The following VWC2L variants were observed in gnomAD, a reference collection of about 807,000 sequenced individuals.
The protein encoded by VWC2L is von Willebrand factor C domain-containing protein 2-like.
In VWC2L, 10 loss-of-function variants were observed where a neutral mutation model predicts 21.6. The ratio of observed to expected loss-of-function variants is 0.46; its 90% CI spans 0.29 to 0.78. The LOEUF is 0.78. VWC2L is among the 30% of genes least tolerant of loss of function. VWC2L has a pLI of 0.10. For synonymous variants in VWC2L, 96 were observed against 94.3 expected, an observed-to-expected ratio of 1.02 and a Z score of -0.10; for missense variants, 209 against 277.1, an observed-to-expected ratio of 0.75 and a Z score of 1.74.
intron 3 of VWC2L, among the ~76,000 whole-genome samples, chr2:214,563,423 T>C (rs968668492): frequency 6.6e-6 from 1 of 151,698 alleles, no homozygotes; most frequent in African/African-American, 2.4e-5. Context: ...GGCAGGTGCC[T>C]GTATTCCCAG....
chr2:214,457,106 G>A (rs1355515656), intron 3 of VWC2L, among the ~76,000 whole-genome samples: 2 of 151,972 alleles, frequency 1.3e-5, no homozygotes, highest in Non-Finnish European at 2.9e-5. Flanking sequence ...TGTGAAAAAT[G>A]TTATTTGTAT....
intron 2 of VWC2L, among the ~76,000 whole-genome samples, chr2:214,430,935 A>T (rs1702592765): frequency 1.3e-5 from 2 of 152,186 alleles, no homozygotes; most frequent in Non-Finnish European, 2.9e-5. Flanking sequence ...TCAGTGTTCC[A>T]AATATGCTCC....
chr2:214,575,561 G>A, intron 3 of VWC2L, 111 bp from the exon 4 acceptor site: 1 of 1,198,946 alleles, frequency 8.3e-7, no homozygotes, highest in Non-Finnish European at 1.2e-6. Context: ...TGATAAGTCA[G>A]TAGAGTAGTC....
At position 214,414,591 on chromosome 2, in the gene VWC2L, T is replaced by C; in HGVS notation, c.390+8T>C. 6.2e-7 allele frequency: 1 copy of C among 1,609,218 alleles called. No individual in the cohort carries two copies. The highest frequency in any genetic ancestry group is 1.3e-5 in the African/African-American group (1 of 74,510). Reference sequence around the variant, plus strand: ...ATCTTGGAGGAATTTAAGGTATGCGTTACCCTCCATATTTATTGAAATATC... The same window carrying C: ...ATCTTGGAGGAATTTAAGGTATGCGCTACCCTCCATATTTATTGAAATATC... On this transcript the variant is annotated splice_region_variant and intron_variant, in intron 2 of 3. Transcript: ENST00000312504.
rs538613264 is a variant in VWC2L, at chr2:214,514,224, A to G, written c.521-61448A>G. ...TTCCCTGTGTAGTCTCCCAACTAAA[A>G]TCATCTAACAGTAATCTCTGTGTTA... On this transcript the variant is annotated intron_variant, in intron 3 of 3. Transcript: ENST00000312504. 4.6e-5 allele frequency among the ~76,000 whole-genome samples: 7 copies of G among 151,778 alleles called. No individual in the cohort carries two copies. The South Asian group carries it at 1.5e-3, about 32-fold the overall frequency.
chr2:214,511,168 G>C (rs1213374508), intron 3 of VWC2L, among the ~76,000 whole-genome samples: 1 of 152,072 alleles, frequency 6.6e-6, no homozygotes, highest in African/African-American at 2.4e-5. Flanking sequence ...GGGAGGCCAA[G>C]GCAGGAAGAT....
intron 3 of VWC2L, among the ~76,000 whole-genome samples, chr2:214,567,585 CACACACACACAGAGAG>C (rs1690085852): frequency 9.0e-6 from 1 of 111,574 alleles, no homozygotes; most frequent in African/African-American, 3.1e-5. Context: ...CACACACACA[CACACACACACAGAGAG>C]AGAGAGAGAG....
At chr2:214,569,350 C>CA (rs1234272860) in intron 3 of VWC2L, among the ~76,000 whole-genome samples, 1 of 152,130 alleles carries the variant, frequency 6.6e-6, no homozygotes, top group Admixed American at 6.6e-5. Context: ...CACACACACA[C>CA]ACCCCTACAT....
chr2:214,428,182 C>A (rs1231473981), intron 2 of VWC2L, among the ~76,000 whole-genome samples: 2 of 152,124 alleles, frequency 1.3e-5, no homozygotes, highest in Non-Finnish European at 1.5e-5. Context: ...AATCCCACAT[C>A]GTTTACATGT....
chr2:214,456,544 T>C (rs1703060158), intron 3 of VWC2L, among the ~76,000 whole-genome samples: 1 of 152,148 alleles, frequency 6.6e-6, no homozygotes, highest in Admixed American at 6.5e-5. Context: ...TTGATTGTAT[T>C]CTTTGCTGTG....
chr2:214,419,497 G>A (rs1424860962), intron 2 of VWC2L, among the ~76,000 whole-genome samples: 1 of 152,114 alleles, frequency 6.6e-6, no homozygotes, highest in African/African-American at 2.4e-5. Context: ...TGATTTAGTT[G>A]TAGGTCATAC....
chr2:214,511,575 A>G (rs528518446), intron 3 of VWC2L, among the ~76,000 whole-genome samples: 1 of 152,240 alleles, frequency 6.6e-6, no homozygotes, highest in Admixed American at 6.5e-5. Flanking sequence ...CTGAAAGGAG[A>G]GTTGTCATTA....
At chr2:214,483,226 T>C (rs1688630534) in intron 3 of VWC2L, among the ~76,000 whole-genome samples, 1 of 152,164 alleles carries the variant, frequency 6.6e-6, no homozygotes, top group Non-Finnish European at 1.5e-5. Flanking sequence ...CTGGCCTAGA[T>C]GGAGTGCAAA....
intron 3 of VWC2L, among the ~76,000 whole-genome samples, chr2:214,453,837 C>G (rs909828543): frequency 2.6e-5 from 4 of 151,700 alleles, no homozygotes; most frequent in African/African-American, 9.7e-5. Context: ...TCTCCTGTCT[C>G]AGCCTCCCAA....
At chr2:214,422,195 T>C (rs777955287) in intron 2 of VWC2L, among the ~76,000 whole-genome samples, 1 of 152,150 alleles carries the variant, frequency 6.6e-6, no homozygotes, top group Non-Finnish European at 1.5e-5. Context: ...GCCTATTTCC[T>C]ACATCTTATT....
rs947653415 is a variant in VWC2L at position 214,534,753 on chromosome 2, A to C, written c.521-40919A>C. The stretch of plus-strand genomic sequence containing the variant: ...TTTCTCACACTAAATAGAAGGTTAC[A>C]TGGCATTATCTCCAGTGTTAACTCC... On this transcript the variant is annotated intron_variant, in intron 3 of 3. Coordinates refer to ENST00000312504, the MANE Select transcript of VWC2L (RefSeq NM_001080500.4). 2.0e-5 allele frequency among the ~76,000 whole-genome samples: 3 copies of C among 152,148 alleles called. No homozygotes were observed. The South Asian group carries it at 6.2e-4, about 32-fold the overall frequency.
intron 1 of VWC2L, among the ~76,000 whole-genome samples, chr2:214,413,892 G>T (rs545484627): frequency 2.6e-5 from 4 of 152,232 alleles, no homozygotes; most frequent in South Asian, 2.1e-4. Context: ...CAAGCTGAAG[G>T]TTCCTATATA....
intron 3 of VWC2L, among the ~76,000 whole-genome samples, chr2:214,531,697 C>A (rs778252817): frequency 6.6e-6 from 1 of 152,132 alleles, no homozygotes; most frequent in African/African-American, 2.4e-5. Context: ...AAAGCAATTT[C>A]TCATGTGACT....
chr2:214,432,209 A>C (rs1305302301), intron 2 of VWC2L, among the ~76,000 whole-genome samples: 1 of 152,238 alleles, frequency 6.6e-6, no homozygotes, highest in Non-Finnish European at 1.5e-5. Flanking sequence ...TAGTTAACAA[A>C]TATTTGTTGA....
Sources: allele counts gnomAD v4.1 joint callset (sites outside exome capture counted in the v4.1 genomes callset), GRCh38; gene constraint gnomAD v4.1.1; transcripts MANE v1.5; gene names NCBI Gene and HGNC (gene_info 2026-07-23, HGNC 2026-07-21).